CHCHD3: variants seen among roughly 807,000 people sequenced by gnomAD.
The protein encoded by CHCHD3 is MICOS complex subunit MIC19.
In CHCHD3, 20 loss-of-function variants were observed where a neutral mutation model predicts 38.2. That is an observed-to-expected ratio of 0.52 (90% confidence interval 0.37 to 0.76). The LOEUF (loss-of-function observed/expected upper bound fraction) is 0.76, where lower values mean the gene tolerates loss of function less well. Ranked by LOEUF, CHCHD3 falls within the 30% of genes least tolerant of loss-of-function variation. CHCHD3 has a pLI of 0.00. For synonymous variants in CHCHD3, 82 were observed against 100.0 expected, an observed-to-expected ratio of 0.82 and a Z score of 1.07; for missense variants, 245 against 279.2, an observed-to-expected ratio of 0.88 and a Z score of 0.87.
intron 5 of CHCHD3, among the ~76,000 whole-genome samples, chr7:132,880,560 A>G (rs1209267586): frequency 6.6e-6 from 1 of 152,198 alleles, no homozygotes; most frequent in Non-Finnish European, 1.5e-5. Context: ...TCATAGTATA[A>G]GCTTAGAAAA....
chr7:133,071,520 T>C (rs1229843956), intron 1 of CHCHD3, among the ~76,000 whole-genome samples: 2 of 152,206 alleles, frequency 1.3e-5, no homozygotes, highest in Admixed American at 6.5e-5. Flanking sequence ...ATTTACACTT[T>C]AGGAAAATCA....
At chr7:132,873,414 A>AT (rs57694292) in intron 5 of CHCHD3, among the ~76,000 whole-genome samples, 1 of 129,512 alleles carries the variant, frequency 7.7e-6, no homozygotes, top group Non-Finnish European at 1.7e-5. Flanking sequence ...TTCATGGTAA[A>AT]TTTTTTTTTT....
intron 3 of CHCHD3, among the ~76,000 whole-genome samples, chr7:133,016,690 G>A (rs1193366088): frequency 6.6e-6 from 1 of 152,188 alleles, no homozygotes; most frequent in African/African-American, 2.4e-5. Context: ...GGCTATATTG[G>A]CAAAGCTATG....
intron 6 of CHCHD3, among the ~76,000 whole-genome samples, chr7:132,807,295 C>T (rs1309005596): frequency 1.3e-5 from 2 of 151,968 alleles, no homozygotes; most frequent in African/African-American, 4.8e-5. Context: ...TCCTCTCTGC[C>T]CCCCAGGCTG....
chr7:132,987,351 T>C (rs954388676), intron 3 of CHCHD3, among the ~76,000 whole-genome samples: 1 of 152,098 alleles, frequency 6.6e-6, no homozygotes, highest in African/African-American at 2.4e-5. Context: ...AACAAACTCC[T>C]CCTGGAGGAA....
At chr7:132,897,045 C>T (rs1035689129) in intron 4 of CHCHD3, among the ~76,000 whole-genome samples, 4 of 152,330 alleles carry the variant, frequency 2.6e-5, no homozygotes, top group African/African-American at 9.6e-5. Flanking sequence ...AACTCTAAAC[C>T]ACAGCTGTTG....
chr7:132,974,694 TG>T lies in CHCHD3; in HGVS notation c.369+474del, dbSNP rs1811714394. Among the ~76,000 whole-genome samples, 3 of 152,106 alleles carry T rather than the reference TG, an allele frequency of 2.0e-5. No individual in the cohort carries two copies. In the South Asian group the frequency reaches 6.2e-4, roughly 32 times the overall value. On this transcript the variant is annotated intron_variant, in intron 4 of 7. Transcript: ENST00000262570. ...TTCAAGACCAGCCTGGCCAAGATAG[TG>T]AAACCCCGTCTCTACTATAAATACA...
intron 3 of CHCHD3, among the ~76,000 whole-genome samples, chr7:133,006,078 C>A (rs1236220069): frequency 6.6e-6 from 1 of 152,094 alleles, no homozygotes; most frequent in Admixed American, 6.5e-5. Flanking sequence ...TTAACATTAA[C>A]CTAAAATGAT....
chr7:132,912,492 G>C (rs1809976382), intron 4 of CHCHD3, among the ~76,000 whole-genome samples: 1 of 152,166 alleles, frequency 6.6e-6, no homozygotes, highest in Non-Finnish European at 1.5e-5. Flanking sequence ...CCACCTACTA[G>C]CTATGTGATA....
intron 2 of CHCHD3, among the ~76,000 whole-genome samples, chr7:133,052,214 T>C (rs1814189398): frequency 6.6e-6 from 1 of 152,194 alleles, no homozygotes. Context: ...CTAACCATTC[T>C]GCAGCTACAG....
chr7:132,988,746 T>G (rs1446239546), intron 3 of CHCHD3, among the ~76,000 whole-genome samples: 1 of 151,914 alleles, frequency 6.6e-6, no homozygotes, highest in Non-Finnish European at 1.5e-5. Flanking sequence ...AGCCCCCATC[T>G]CTAACAAAAA....
In CHCHD3 at chr7:133,025,490, C is replaced by CT. The variant is rs546028880; in HGVS notation, c.170-864dup. 1.7e-4 allele frequency among the ~76,000 whole-genome samples: 26 copies of CT among 152,152 alleles called. No individual in the cohort carries two copies. In the East Asian group the frequency reaches 4.8e-3, roughly 28 times the overall value. On this transcript the variant is annotated intron_variant, in intron 2 of 7. Transcript: ENST00000262570. The stretch of plus-strand genomic sequence containing the variant: ...TAGGAATATCCACAGAACCTAAGGT[C>CT]TTTTTTGGTTTTTTTCTCTTTGTTT...
intron 4 of CHCHD3, among the ~76,000 whole-genome samples, chr7:132,891,952 C>G (rs958599849): frequency 1.4e-4 from 21 of 152,310 alleles, no homozygotes; most frequent in African/African-American, 4.8e-4. Flanking sequence ...TTTCCTGAGG[C>G]CTTCCCAGGA....
At chr7:132,931,606 T>C (rs1399002543) in intron 4 of CHCHD3, among the ~76,000 whole-genome samples, 1 of 152,224 alleles carries the variant, frequency 6.6e-6, no homozygotes, top group Admixed American at 6.5e-5. Flanking sequence ...TTAATGTGGG[T>C]AAACTAATCA....
intron 4 of CHCHD3, among the ~76,000 whole-genome samples, chr7:132,918,258 T>C (rs1810167651): frequency 6.6e-6 from 1 of 152,170 alleles, no homozygotes; most frequent in South Asian, 2.1e-4. Flanking sequence ...ATCTCAGATC[T>C]AGCATTTATT....
intron 6 of CHCHD3, among the ~76,000 whole-genome samples, chr7:132,838,028 C>T (rs1413427819): frequency 1.3e-5 from 2 of 152,106 alleles, no homozygotes; most frequent in East Asian, 1.9e-4. Flanking sequence ...TGGACATGCC[C>T]ATCATTTTAT....
intron 6 of CHCHD3, among the ~76,000 whole-genome samples, chr7:132,819,470 G>C (rs1281033865): frequency 6.6e-6 from 1 of 151,980 alleles, no homozygotes; most frequent in African/African-American, 2.4e-5. Flanking sequence ...AGGAGTCTAA[G>C]TTAAGAAGCA....
intron 3 of CHCHD3, among the ~76,000 whole-genome samples, chr7:133,006,905 G>A (rs914174260): frequency 3.3e-5 from 5 of 152,000 alleles, no homozygotes; most frequent in Non-Finnish European, 5.9e-5. Context: ...GATATATTAT[G>A]AGCAAAAATA....
chr7:133,019,146 G>C (rs1006719165), intron 3 of CHCHD3, among the ~76,000 whole-genome samples: 20 of 152,072 alleles, frequency 1.3e-4, no homozygotes, highest in African/African-American at 4.8e-4. Flanking sequence ...GCCTCCCAAA[G>C]TGCTGGGATT....
Sources: gnomAD v4.1 joint callset for allele counts (sites outside exome capture counted in the v4.1 genomes callset) on GRCh38, gnomAD v4.1.1 for gene constraint, MANE v1.5 for transcripts, NCBI Gene and HGNC (gene_info 2026-07-23, HGNC 2026-07-21) for gene names.